Variants in PCDHA13 observed in about 807,000 individuals in gnomAD.
PCDHA13 encodes the protein protocadherin alpha 13, also known as protocadherin alpha-13.
A neutral mutation model predicts 64.8 loss-of-function variants in PCDHA13; 54 were observed. That is an observed-to-expected ratio of 0.83 (90% CI 0.67 to 1.04). The LOEUF (loss-of-function observed/expected upper bound fraction) is 1.04, where lower values mean the gene tolerates loss of function less well. Among genes scored for constraint, PCDHA13 ranks in the 50% least tolerant of loss-of-function variants. The probability of loss-of-function intolerance (pLI) is 0.00; values close to 1 mark genes in which losing one functional copy is unlikely to be tolerated. For missense variants in PCDHA13, 1,248 were observed against 1,254.3 expected (o/e 0.99, Z 0.08); for synonymous variants, 587 against 564.4 (o/e 1.04, Z -0.57).
chr5:140,954,470 G>T (rs999752135), intron 1 of PCDHA13, among the ~76,000 whole-genome samples: 2 of 152,150 alleles, frequency 1.3e-5, no homozygotes, highest in Non-Finnish European at 2.9e-5. Flanking sequence ...ATTCTGACTG[G>T]TGTGAGAAGA....
intron 1 of PCDHA13, among the ~76,000 whole-genome samples, chr5:140,953,761 A>C (rs1016551787): frequency 6.6e-6 from 1 of 152,202 alleles, no homozygotes; most frequent in Non-Finnish European, 1.5e-5. Flanking sequence ...TCCAAGAATT[A>C]AATTTAATAT....
intron 1 of PCDHA13, among the ~76,000 whole-genome samples, chr5:140,895,392 C>T (rs983338513): frequency 6.6e-5 from 10 of 152,148 alleles, no homozygotes; most frequent in African/African-American, 2.4e-4. Context: ...CAATTCTCAA[C>T]ACCATCAAAA....
chr5:140,961,400 C>T (rs929653995), intron 1 of PCDHA13, among the ~76,000 whole-genome samples: 10 of 152,186 alleles, frequency 6.6e-5, no homozygotes, highest in African/African-American at 2.4e-4. Context: ...TTAGTAAACA[C>T]TTTTTGGCAT....
At chr5:141,002,357 C>G (rs2098075744) in intron 3 of PCDHA13, among the ~76,000 whole-genome samples, 2 of 152,246 alleles carry the variant, frequency 1.3e-5, no homozygotes, top group Admixed American at 6.5e-5. Flanking sequence ...ACCTCCACTC[C>G]TTTCAACTCA....
chr5:141,009,889 G>A lies in PCDHA13; in HGVS notation c.2805G>A (p.Gln935=). ...KKKKKKGNKT[Q]EKKEKGNSTT... is the part of the protein sequence containing the mutation. ...AAAAGAAGAAGGGTAACAAGACCCAGGAGAAAAAAGAGAAAGGGAACAGCA... is the reference window on the plus strand; with the variant it reads ...AAAAGAAGAAGGGTAACAAGACCCAAGAGAAAAAAGAGAAAGGGAACAGCA... Residue 935 remains glutamine, a synonymous_variant, in exon 4 of 4, where the codon CAG becomes CAA. Transcript: ENST00000289272. 6.2e-7 allele frequency: 1 copy of A among 1,612,866 alleles called. No homozygotes were observed. Among genetic ancestry groups the A allele is most frequent in the South Asian group, 1.1e-5 (1 of 90,852 alleles).
chr5:140,952,873 A>G (rs1554220663), intron 1 of PCDHA13, among the ~76,000 whole-genome samples: 1 of 152,168 alleles, frequency 6.6e-6, no homozygotes, highest in South Asian at 2.1e-4. Context: ...GGAAACTTAC[A>G]ATCATGGTGG....
intron 1 of PCDHA13, among the ~76,000 whole-genome samples, chr5:140,960,222 A>G (rs1364451029): frequency 2.6e-5 from 4 of 152,206 alleles, no homozygotes; most frequent in African/African-American, 9.6e-5. Flanking sequence ...ATCTCAAGAA[A>G]CAGAGCCATG....
Position 141,003,329 on chromosome 5 carries a change from T to C in PCDHA13, c.2543-6298T>C, listed in dbSNP as rs571160293. On this transcript the variant is annotated intron_variant, in intron 3 of 3. Transcript: ENST00000289272. ...GGCCAGCTACTTCCAGAGGGCAGGG[T>C]TTTTTGTTTGTTTGCTCTGTCACCC... Among the ~76,000 whole-genome samples the C allele has an allele frequency of 7.2e-5, 11 of 152,118 alleles. No homozygotes were observed. The South Asian group carries it at 2.3e-3, about 32-fold the overall frequency.
In PCDHA13 at chr5:140,882,158, C is replaced by T. The variant is rs2058980027; in HGVS notation, c.-111C>T. ...GAAAATATAGCAGAAAGCGGAATAC[C>T]TCTTGCGAATCCTTCCGCACTAGGA... On this transcript the variant is annotated 5_prime_UTR_variant, in exon 1 of 4. Coordinates refer to ENST00000289272, the MANE Select transcript of PCDHA13 (RefSeq NM_018904.3). The T allele has an allele frequency of 4.6e-6, 7 of 1,507,380 alleles. No homozygotes were observed. The South Asian group carries it at 8.2e-5, about 18-fold the overall frequency. 93.4% of individuals were successfully genotyped at this position (1,507,380 alleles called of 1,614,324 possible). A position where few individuals can be genotyped will look rare whatever the true frequency, so the allele number is the denominator to read the frequency against.
At chr5:140,918,268 A>T (rs1554198508) in intron 1 of PCDHA13, among the ~76,000 whole-genome samples, 2 of 152,084 alleles carry the variant, frequency 1.3e-5, no homozygotes. Context: ...TGGAGGTTTT[A>T]TCAGATGTAG....
At chr5:140,921,868 T>C (rs1037750056) in intron 1 of PCDHA13, among the ~76,000 whole-genome samples, 1 of 152,016 alleles carries the variant, frequency 6.6e-6, no homozygotes, top group Non-Finnish European at 1.5e-5. Context: ...ATATATACAG[T>C]ATATATATAA....
At chr5:140,941,718 T>G (rs910042752) in intron 1 of PCDHA13, among the ~76,000 whole-genome samples, 1 of 152,204 alleles carries the variant, frequency 6.6e-6, no homozygotes, top group African/African-American at 2.4e-5. Context: ...CCACAATTTG[T>G]CCTAGCAGTT....
chr5:140,926,766 C>A (rs950499262), intron 1 of PCDHA13: 34 of 1,343,396 alleles, frequency 2.5e-5, no homozygotes, highest in Non-Finnish European at 3.3e-5. Context: ...GAGTATCCAG[C>A]CCGCAGCAGT....
intron 1 of PCDHA13, among the ~76,000 whole-genome samples, chr5:140,886,962 G>A (rs1017446014): frequency 6.6e-6 from 1 of 151,842 alleles, no homozygotes; most frequent in African/African-American, 2.4e-5. Context: ...ATTTAGCAAC[G>A]AAATTTATTA....
chr5:140,941,894 T>G (rs1398323055), intron 1 of PCDHA13, among the ~76,000 whole-genome samples: 2 of 152,230 alleles, frequency 1.3e-5, no homozygotes, highest in African/African-American at 4.8e-5. Context: ...AGCATCTAAG[T>G]AACATTGAAA....
intron 1 of PCDHA13, among the ~76,000 whole-genome samples, chr5:140,898,910 C>G (rs1313149642): frequency 6.6e-6 from 1 of 152,040 alleles, no homozygotes; most frequent in African/African-American, 2.4e-5. Context: ...CTTCACGTCC[C>G]TTGTAAGTTG....
At chr5:140,915,826 T>G (rs1432367192) in intron 1 of PCDHA13, among the ~76,000 whole-genome samples, 1 of 152,134 alleles carries the variant, frequency 6.6e-6, no homozygotes, top group Non-Finnish European at 1.5e-5. Context: ...GCCCTAGGGC[T>G]CTAAGATCAG....
At chr5:140,893,984 AT>A (rs1305613741) in intron 1 of PCDHA13, among the ~76,000 whole-genome samples, 1 of 152,200 alleles carries the variant, frequency 6.6e-6, no homozygotes, top group South Asian at 2.1e-4. Context: ...TAATTTTAAA[AT>A]ATCTCCAATT....
At chr5:140,943,409 T>C (rs1460668622) in intron 1 of PCDHA13, among the ~76,000 whole-genome samples, 1 of 152,078 alleles carries the variant, frequency 6.6e-6, no homozygotes, top group Non-Finnish European at 1.5e-5. Flanking sequence ...AAATTCAGAC[T>C]AGAGGCAAGG....
Sources: allele counts gnomAD v4.1 joint callset (sites outside exome capture counted in the v4.1 genomes callset), GRCh38; gene constraint gnomAD v4.1.1; transcripts MANE v1.5; gene names NCBI Gene and HGNC (gene_info 2026-07-23, HGNC 2026-07-21).